The following HTR4 variants were observed in gnomAD, a reference collection of about 807,000 sequenced individuals.
HTR4 encodes 5-hydroxytryptamine (serotonin) receptor 4, G protein-coupled.
HTR4 carries 16 observed loss-of-function variants against 36.8 expected under a neutral mutation model. The observed-to-expected ratio is 0.43, with a 90% CI of 0.29 to 0.66. The LOEUF (loss-of-function observed/expected upper bound fraction) is 0.66, where lower values mean the gene tolerates loss of function less well. Ranked by LOEUF, HTR4 falls within the 30% of genes least tolerant of loss-of-function variation. The pLI is 0.13. For synonymous variants in HTR4, 189 were observed against 185.1 expected (o/e 1.02, Z -0.17); for missense variants, 438 against 490.9 (o/e 0.89, Z 1.02).
chr5:148,486,580 A>C (rs1211233476), intron 6 of HTR4, among the ~76,000 whole-genome samples: 1 of 152,172 alleles, frequency 6.6e-6, no homozygotes, highest in African/African-American at 2.4e-5. Context: ...TGCAGCTCTG[A>C]CATTCTGATT....
intron 5 of HTR4, 114 bp downstream of exon 5, chr5:148,523,079 A>G: frequency 9.5e-7 from 1 of 1,052,854 alleles, no homozygotes; most frequent in East Asian, 2.8e-5. Flanking sequence ...AAAAATTATC[A>G]CCCAGACCAC....
chr5:148,483,019 G>C lies in HTR4; in HGVS notation c.*184C>G. The C allele has an allele frequency of 6.9e-7, 1 of 1,448,538 alleles. No homozygotes were observed. Among genetic ancestry groups the C allele is most frequent in the Non-Finnish European group, 9.1e-7 (1 of 1,098,122 alleles). The allele number at this position is 1,448,538 out of a possible 1,614,324, so 89.7% of individuals were successfully genotyped here. The stretch of plus-strand genomic sequence containing the variant: ...GAACAAGGAGGCCATTATGTCCCCT[G>C]ACTCCCTCCAGCGCCACCTGCTGGA... On this transcript the variant is annotated 3_prime_UTR_variant, in exon 7 of 7. Transcript: ENST00000377888.
intron 2 of HTR4, among the ~76,000 whole-genome samples, chr5:148,561,692 G>A (rs1305622877): frequency 6.6e-6 from 1 of 151,952 alleles, no homozygotes; most frequent in African/African-American, 2.4e-5. Context: ...TCTTCCTTTG[G>A]GGTAAAACAC....
intron 5 of HTR4, among the ~76,000 whole-genome samples, chr5:148,454,056 T>C (rs1755038769): frequency 6.6e-6 from 1 of 152,248 alleles, no homozygotes; most frequent in Non-Finnish European, 1.5e-5. Context: ...CTTTGCCTTG[T>C]CTTGTCAGCT....
intron 6 of HTR4, among the ~76,000 whole-genome samples, chr5:148,506,343 C>G (rs1375087471): frequency 1.3e-5 from 2 of 152,124 alleles, no homozygotes; most frequent in South Asian, 4.1e-4. Context: ...GAAACTGGAT[C>G]CCTTTCTTAC....
At chr5:148,598,324 C>A (rs1042701368) in intron 2 of HTR4, among the ~76,000 whole-genome samples, 3 of 152,138 alleles carry the variant, frequency 2.0e-5, no homozygotes, top group African/African-American at 7.2e-5. Flanking sequence ...GCAGGCAGAT[C>A]ACCTGAGGTC....
intron 4 of HTR4, among the ~76,000 whole-genome samples, chr5:148,527,137 A>G (rs1758318666): frequency 6.6e-6 from 1 of 152,164 alleles, no homozygotes; most frequent in African/African-American, 2.4e-5. Flanking sequence ...TATCACATGT[A>G]CCCCATAAGT....
chr5:148,616,854 A>G (rs1026623027), intron 2 of HTR4, among the ~76,000 whole-genome samples: 5 of 152,100 alleles, frequency 3.3e-5, no homozygotes, highest in Non-Finnish European at 7.3e-5. Flanking sequence ...TGACTTCTGC[A>G]CTACACCAGG....
At chr5:148,649,947 C>T (rs966505491) in intron 1 of HTR4, among the ~76,000 whole-genome samples, 4 of 152,048 alleles carry the variant, frequency 2.6e-5, no homozygotes, top group Admixed American at 1.3e-4. Flanking sequence ...TCATCACCTG[C>T]GAACCTATTA....
At chr5:148,465,923 C>T (rs751521166) in intron 5 of HTR4, 3 of 1,612,956 alleles carry the variant, frequency 1.9e-6, no homozygotes, top group Middle Eastern at 1.7e-4. Flanking sequence ...AGGGGAACAG[C>T]CACTTTTAGT....
chr5:148,631,001 G>C (rs1208264537), intron 2 of HTR4, among the ~76,000 whole-genome samples: 1 of 152,090 alleles, frequency 6.6e-6, no homozygotes, highest in African/African-American at 2.4e-5. Context: ...AGATGTATAG[G>C]ATCACGTATA....
intron 5 of HTR4, among the ~76,000 whole-genome samples, chr5:148,451,532 T>G (rs776539429): frequency 6.6e-6 from 1 of 152,060 alleles, no homozygotes; most frequent in Non-Finnish European, 1.5e-5. Context: ...GTGGCAGAGC[T>G]GGGACAAGAA....
intron 4 of HTR4, among the ~76,000 whole-genome samples, chr5:148,526,233 C>T (rs1345707647): frequency 6.6e-6 from 1 of 152,158 alleles, no homozygotes; most frequent in Non-Finnish European, 1.5e-5. Flanking sequence ...CAATCTCTTG[C>T]TTGCAAGAAA....
rs59042253 is a variant in HTR4, at chr5:148,555,968, ACACT to A, written c.27-5710_27-5707del. Among the ~76,000 whole-genome samples, 1,116 of 151,552 alleles carry A rather than the reference ACACT, an allele frequency of 7.4e-3. 39 individuals are homozygous for A. The highest frequency in any genetic ancestry group is 0.059 in the Admixed American group (901 of 15,200). Reference sequence around the variant, plus strand: ...TTGTCACACACACACACACACACACACACTCTCTCTCTCTCTCTCATACTTTCTG... The same window carrying A: ...TTGTCACACACACACACACACACACACTCTCTCTCTCTCTCATACTTTCTG... On this transcript the variant is annotated intron_variant, in intron 2 of 6. Transcript: ENST00000377888.
intron 2 of HTR4, among the ~76,000 whole-genome samples, chr5:148,614,571 A>G (rs1472583391): frequency 6.6e-6 from 1 of 152,238 alleles, no homozygotes; most frequent in Non-Finnish European, 1.5e-5. Flanking sequence ...CTAAAACCAT[A>G]AAAACCCTAG....
At chr5:148,589,068 G>C (rs1032505559) in intron 2 of HTR4, among the ~76,000 whole-genome samples, 1 of 151,990 alleles carries the variant, frequency 6.6e-6, no homozygotes, top group African/African-American at 2.4e-5. Flanking sequence ...TCCACTATAT[G>C]AATAACCCAC....
At chr5:148,577,089 A>AT (rs1282364165) in intron 2 of HTR4, among the ~76,000 whole-genome samples, 4 of 152,144 alleles carry the variant, frequency 2.6e-5, no homozygotes. Context: ...CAGAGGTCCA[A>AT]TATCCAACAT....
In HTR4 at chr5:148,550,132, C is replaced by A; in HGVS notation, c.152+5G>T. Reference sequence around the variant, plus strand: ...TTCCTCAAAAGGTTCCCTCCTGCTGCTCACCTGAGCTGCCTGTCCCAGCAC... The same window carrying A: ...TTCCTCAAAAGGTTCCCTCCTGCTGATCACCTGAGCTGCCTGTCCCAGCAC... On this transcript the variant is annotated splice_donor_5th_base_variant and intron_variant, in intron 3 of 6. Transcript: ENST00000377888. 2.5e-6 allele frequency: 4 copies of A among 1,613,986 alleles called. No individual in the cohort carries two copies. Among genetic ancestry groups the A allele is most frequent in the Non-Finnish European group, 3.4e-6 (4 of 1,179,970 alleles).
intron 4 of HTR4, among the ~76,000 whole-genome samples, chr5:148,532,016 C>T (rs1758590515): frequency 6.6e-6 from 1 of 152,140 alleles, no homozygotes; most frequent in African/African-American, 2.4e-5. Context: ...CAATACTGGT[C>T]TATGTCAGTA....
Sources: allele counts gnomAD v4.1 joint callset (sites outside exome capture counted in the v4.1 genomes callset), GRCh38; gene constraint gnomAD v4.1.1; transcripts MANE v1.5; gene names NCBI Gene and HGNC (gene_info 2026-07-23, HGNC 2026-07-21).